The following UBE3A variants were observed in gnomAD, a reference collection of about 807,000 sequenced individuals.
UBE3A encodes the protein ubiquitin-protein ligase E3A.
In UBE3A, 6 loss-of-function variants were observed where a neutral mutation model predicts 83.4. The ratio of observed to expected loss-of-function variants is 0.07; its 90% CI spans 0.04 to 0.14. The LOEUF is 0.14. Ranked by LOEUF, UBE3A falls within the 10% of genes least tolerant of loss-of-function variation. The pLI, the probability that UBE3A is intolerant of heterozygous loss-of-function variation, is 1.00. For missense variants in UBE3A, 456 were observed against 1,036.1 expected (o/e 0.44, Z 7.69); for synonymous variants, 337 against 355.4 (o/e 0.95, Z 0.58).
chr15:25,438,265 C>T (rs1470402155), intron 1 of UBE3A: 2 of 152,406 alleles, frequency 1.3e-5, no homozygotes, highest in African/African-American at 4.8e-5. Context: ...ACAAAACCCT[C>T]CCGCCGTCGC....
Position 25,409,118 on chromosome 15 carries a change from C to G in UBE3A, c.-11G>C. ...ACAAGCTGTGGCCATTCGGTGACAT[C>G]AGGGTGATCACAGCTTTGAGTCACT... On this transcript the variant is annotated 5_prime_UTR_variant, in exon 3 of 13. Transcript: ENST00000648336. 6.3e-7 allele frequency: 1 copy of G among 1,595,612 alleles called. No individual in the cohort carries two copies. The highest frequency in any genetic ancestry group is 2.3e-4 in the Middle Eastern group (1 of 4,436).
intron 1 of UBE3A, chr15:25,412,921 TGA>T: frequency 1.3e-5 from 5 of 385,228 alleles, no homozygotes; most frequent in South Asian, 9.6e-5. Context: ...ATTCAGTGCA[TGA>T]AGTAGGGGTA....
At chr15:25,341,074 A>ATT (rs559324409) in intron 11 of UBE3A, among the ~76,000 whole-genome samples, 2 of 148,088 alleles carry the variant, frequency 1.4e-5, no homozygotes, top group Admixed American at 6.7e-5. Context: ...AGCTAAATAA[A>ATT]TTTTTTTTTT....
intron 7 of UBE3A, 85 bp from the exon 8 acceptor site, chr15:25,356,981 T>G: frequency 8.6e-7 from 1 of 1,156,858 alleles, no homozygotes; most frequent in Non-Finnish European, 1.3e-6. Flanking sequence ...TTAAAATAAT[T>G]ATGCATATAA....
At chr15:25,346,642 A>C (rs1004142845) in intron 11 of UBE3A, 1 of 152,234 alleles carries the variant, frequency 6.6e-6, no homozygotes, top group African/African-American at 2.4e-5. Flanking sequence ...CTACTGTTTC[A>C]AAAACGAAAC....
intron 1 of UBE3A, among the ~76,000 whole-genome samples, chr15:25,425,707 T>C (rs539831625): frequency 6.6e-6 from 1 of 152,070 alleles, no homozygotes; most frequent in East Asian, 1.9e-4. Context: ...TAAAAAAAAA[T>C]AGCTTTTTAT....
chr15:25,367,239 G>T (rs1343542351), intron 6 of UBE3A, among the ~76,000 whole-genome samples: 6 of 71,790 alleles, frequency 8.4e-5, no homozygotes, highest in East Asian at 5.8e-4. Context: ...TTGTAAATAT[G>T]TAAATATTTG....
chr15:25,413,357 T>C (rs2090337848), intron 1 of UBE3A, among the ~76,000 whole-genome samples: 1 of 152,174 alleles, frequency 6.6e-6, no homozygotes, highest in Non-Finnish European at 1.5e-5. Flanking sequence ...CAAAACTTAA[T>C]TTCACAAACT....
rs1269830295 is a variant in UBE3A at position 25,339,055 on chromosome 15, CCCT to C, written c.*79_*81del. 22 of 1,409,242 alleles carry C rather than the reference CCCT, an allele frequency of 1.6e-5. No homozygotes were observed. Among genetic ancestry groups the C allele is most frequent in the Non-Finnish European group, 1.9e-5 (21 of 1,079,062 alleles). 87.3% of individuals were successfully genotyped at this position (1,409,242 alleles called of 1,614,324 possible). On this transcript the variant is annotated 3_prime_UTR_variant, in exon 13 of 13. Transcript: ENST00000648336. The stretch of plus-strand genomic sequence containing the variant: ...GACACTATCACCACCAAAAATTTAT[CCCT>C]CGTTATATTTTTAAAATTTTTTAAA...
At chr15:25,349,067 G>T (rs2076128070) in intron 11 of UBE3A, among the ~76,000 whole-genome samples, 1 of 152,144 alleles carries the variant, frequency 6.6e-6, no homozygotes, top group Non-Finnish European at 1.5e-5. Context: ...TGTCATTTTG[G>T]CAAAAGGACA....
intron 4 of UBE3A, among the ~76,000 whole-genome samples, chr15:25,378,571 A>G (rs2081618099): frequency 6.6e-6 from 1 of 152,178 alleles, no homozygotes; most frequent in Admixed American, 6.5e-5. Context: ...AGCCAAAGAG[A>G]GAAATAGAAC....
chr15:25,419,718 T>C (rs944769438), intron 1 of UBE3A, among the ~76,000 whole-genome samples: 1 of 152,058 alleles, frequency 6.6e-6, no homozygotes. Flanking sequence ...CTATAACACA[T>C]ATAGAAGTAA....
chr15:25,372,710 AACATAAT>A (rs1236271472), intron 5 of UBE3A, among the ~76,000 whole-genome samples: 5 of 152,302 alleles, frequency 3.3e-5, no homozygotes, highest in African/African-American at 1.2e-4. Flanking sequence ...TGTACTGACC[AACATAAT>A]ACTGAGAATA....
At chr15:25,390,434 A>G (rs573691739) in intron 4 of UBE3A, among the ~76,000 whole-genome samples, 4 of 152,228 alleles carry the variant, frequency 2.6e-5, no homozygotes, top group African/African-American at 4.8e-5. Flanking sequence ...ACAAACTGTG[A>G]TATGTCCAGA....
rs1370939972 is a variant in UBE3A, at chr15:25,338,499, T to G, written c.*638A>C. 6.6e-6 allele frequency: 1 copy of G among 152,036 alleles called. No individual in the cohort carries two copies. Among genetic ancestry groups the G allele is most frequent in the Non-Finnish European group, 1.5e-5 (1 of 67,986 alleles). 9.4% of individuals were successfully genotyped at this position (152,036 alleles called of 1,614,324 possible). Reference sequence around the variant, plus strand: ...AGGGCTGCAGTTAAAACATTCCAATTTCTCCCTTCCTTCCATCTTTCTTTA... The same window carrying G: ...AGGGCTGCAGTTAAAACATTCCAATGTCTCCCTTCCTTCCATCTTTCTTTA... On this transcript the variant is annotated 3_prime_UTR_variant, in exon 13 of 13. Coordinates refer to ENST00000648336, the MANE Select transcript of UBE3A (RefSeq NM_130839.5).
chr15:25,368,380 A>AT (rs913871012), intron 6 of UBE3A, among the ~76,000 whole-genome samples: 6 of 152,164 alleles, frequency 3.9e-5, no homozygotes, highest in Non-Finnish European at 5.9e-5. Flanking sequence ...ACATTCTGTT[A>AT]TTTTTTTAAA....
At chr15:25,356,159 A>G (rs779852684) in intron 8 of UBE3A, 103 bp from the exon 9 acceptor site, 2 of 1,429,284 alleles carry the variant, frequency 1.4e-6, no homozygotes, top group Non-Finnish European at 2.0e-6. Context: ...TTATCAATAA[A>G]AATTGTAAAA....
chr15:25,413,392 T>C, intron 1 of UBE3A, among the ~76,000 whole-genome samples: 1 of 152,170 alleles, frequency 6.6e-6, no homozygotes, highest in Non-Finnish European at 1.5e-5. Flanking sequence ...CTTTTTATTA[T>C]AACACCCAAC....
intron 4 of UBE3A, among the ~76,000 whole-genome samples, chr15:25,390,410 G>T (rs1007219889): frequency 6.6e-6 from 1 of 152,102 alleles, no homozygotes; most frequent in Non-Finnish European, 1.5e-5. Flanking sequence ...CCTTCATTAG[G>T]TGAATATTCA....
Sources: gnomAD v4.1 joint callset for allele counts (sites outside exome capture counted in the v4.1 genomes callset) on GRCh38, gnomAD v4.1.1 for gene constraint, MANE v1.5 for transcripts, NCBI Gene and HGNC (gene_info 2026-07-23, HGNC 2026-07-21) for gene names.